POMK: variants seen among roughly 807,000 people sequenced by gnomAD.
POMK encodes protein O-mannose kinase, also known as Sugen kinase 196.
Under a neutral mutation model 23.0 loss-of-function variants are expected in POMK, and 19 were observed. The ratio of observed to expected loss-of-function variants is 0.83; its 90% CI spans 0.58 to 1.21. The LOEUF (loss-of-function observed/expected upper bound fraction) is 1.21. POMK is among the 50% of genes most tolerant of loss of function. The pLI is 0.00. For synonymous variants in POMK, 173 were observed against 171.6 expected (o/e 1.01, Z -0.06); for missense variants, 410 against 431.3 (o/e 0.95, Z 0.44).
At chr8:43,109,525 T>G (rs1811606528) in intron 4 of POMK, among the ~76,000 whole-genome samples, 1 of 151,896 alleles carries the variant, frequency 6.6e-6, no homozygotes, top group South Asian at 2.1e-4. Flanking sequence ...AGTTTGACCA[T>G]AAGGTAAGAT....
At chr8:43,108,647 T>C (rs1586673992) in intron 4 of POMK, among the ~76,000 whole-genome samples, 2 of 151,586 alleles carry the variant, frequency 1.3e-5, no homozygotes, top group East Asian at 1.9e-4. Flanking sequence ...TTGATATTTA[T>C]GAACATTTCA....
At chr8:43,107,193 A>G (rs946547414) in intron 4 of POMK, among the ~76,000 whole-genome samples, 10 of 152,124 alleles carry the variant, frequency 6.6e-5, no homozygotes, top group African/African-American at 2.4e-4. Context: ...CAAAAATATT[A>G]GGATTTAGTC....
chr8:43,118,130 CTTTAAT>C (rs1811834492), intron 4 of POMK, among the ~76,000 whole-genome samples: 1 of 151,922 alleles, frequency 6.6e-6, no homozygotes, highest in Admixed American at 6.6e-5. Flanking sequence ...TTATATTATA[CTTTAAT>C]TTTAAAGAAA....
At chr8:43,114,770 G>T (rs1265058431) in intron 4 of POMK, among the ~76,000 whole-genome samples, 3 of 152,096 alleles carry the variant, frequency 2.0e-5, no homozygotes. Flanking sequence ...GATGCTTTGA[G>T]ATTTTTAAAC....
At chr8:43,114,488 C>T (rs972600822) in intron 4 of POMK, among the ~76,000 whole-genome samples, 3 of 152,156 alleles carry the variant, frequency 2.0e-5, no homozygotes, top group Non-Finnish European at 4.4e-5. Flanking sequence ...GGTGGGAGTG[C>T]CCTGATTTTC....
intron 4 of POMK, among the ~76,000 whole-genome samples, chr8:43,105,963 G>C (rs1457481970): frequency 1.3e-5 from 2 of 152,180 alleles, no homozygotes; most frequent in African/African-American, 4.8e-5. Context: ...GCCTGGCTGT[G>C]CATATCTCTT....
intron 4 of POMK, among the ~76,000 whole-genome samples, chr8:43,111,649 A>G (rs1268278891): frequency 1.3e-5 from 2 of 151,824 alleles, no homozygotes; most frequent in African/African-American, 4.8e-5. Flanking sequence ...ACCCCCGAGT[A>G]GCCTAACTGG....
intron 2 of POMK, among the ~76,000 whole-genome samples, chr8:43,101,041 T>C (rs1811430144): frequency 6.6e-6 from 1 of 151,954 alleles, no homozygotes; most frequent in Admixed American, 6.6e-5. Flanking sequence ...TATGAGCTTG[T>C]GTGCTTGCAT....
chr8:43,111,893 C>T (rs982417521), intron 4 of POMK, among the ~76,000 whole-genome samples: 8 of 151,698 alleles, frequency 5.3e-5, no homozygotes, highest in African/African-American at 1.7e-4. Flanking sequence ...ACAAACAGGA[C>T]GTCCACACCA....
chr8:43,119,257 A>C (rs1811861754), intron 4 of POMK, among the ~76,000 whole-genome samples: 1 of 152,162 alleles, frequency 6.6e-6, no homozygotes, highest in Admixed American at 6.5e-5. Context: ...GATCTGAACA[A>C]AACCTCAGTT....
At chr8:43,121,780 G>T (rs1811921086) in intron 4 of POMK, among the ~76,000 whole-genome samples, 1 of 152,178 alleles carries the variant, frequency 6.6e-6, no homozygotes, top group African/African-American at 2.4e-5. Flanking sequence ...GCCCTACATT[G>T]AATCTGCAGG....
At chr8:43,115,464 C>T (rs1168871440) in intron 4 of POMK, among the ~76,000 whole-genome samples, 1 of 152,218 alleles carries the variant, frequency 6.6e-6, no homozygotes, top group Non-Finnish European at 1.5e-5. Context: ...TCCTGCTGTT[C>T]TGGCCACCTA....
At chr8:43,121,314 A>C (rs531813836) in intron 4 of POMK, among the ~76,000 whole-genome samples, 2 of 152,312 alleles carry the variant, frequency 1.3e-5, no homozygotes, top group African/African-American at 4.8e-5. Context: ...TAAGCAAAAG[A>C]TCAGAGGTTC....
chr8:43,112,562 A>G (rs1811697502), intron 4 of POMK, among the ~76,000 whole-genome samples: 1 of 152,132 alleles, frequency 6.6e-6, no homozygotes, highest in Non-Finnish European at 1.5e-5. Context: ...AAATACAGAG[A>G]ACGCCACAAA....
Position 43,122,623 on chromosome 8 carries a change from C to A in POMK, c.799C>A (p.Pro267Thr). 1 of 1,614,170 alleles carries A rather than the reference C, an allele frequency of 6.2e-7. No individual in the cohort carries two copies. Among genetic ancestry groups the A allele is most frequent in the Non-Finnish European group, 8.5e-7 (1 of 1,180,034 alleles). The stretch of plus-strand genomic sequence containing the variant: ...ACTGTGGCCCTATGGAGAGGACGTG[C>A]CTTTCCACGATGATCTCATGCCCTC... ...EQLWPYGEDV[P>T]FHDDLMPSYD... Residue 267 changes from proline (P) to threonine (T), a missense_variant, in exon 5 of 5, where the codon CCT becomes ACT. Physicochemically the swap from Pro to Thr is conservative, Grantham distance 38. Coordinates refer to ENST00000331373, the MANE Select transcript of POMK (RefSeq NM_032237.5).
intron 1 of POMK, among the ~76,000 whole-genome samples, chr8:43,096,101 C>G (rs1296228892): frequency 1.3e-5 from 2 of 152,162 alleles, no homozygotes; most frequent in Non-Finnish European, 2.9e-5. Context: ...CCGCTGTGTG[C>G]CAGGCACTGG....
At chr8:43,120,374 G>A (rs1296661839) in intron 4 of POMK, among the ~76,000 whole-genome samples, 2 of 151,600 alleles carry the variant, frequency 1.3e-5, no homozygotes, top group Non-Finnish European at 2.9e-5. Context: ...CACCATGCCC[G>A]GCTAATTTTG....
In POMK at chr8:43,112,328, C is replaced by T. The variant is rs1029677765; in HGVS notation, c.282+8498C>T. Among the ~76,000 whole-genome samples, 12 of 151,792 alleles carry T rather than the reference C, an allele frequency of 7.9e-5. 1 individual carries two copies. In the South Asian group the frequency reaches 8.4e-4, roughly 11 times the overall value. On this transcript the variant is annotated intron_variant, in intron 4 of 4. Coordinates refer to ENST00000331373, the MANE Select transcript of POMK (RefSeq NM_032237.5). ...AAGATAGGGTATCAGTGATGGAAGA[C>T]GAAATGAATGAAATGAAGCGTGAAG...
chr8:43,110,774 C>T (rs576281448), intron 4 of POMK, among the ~76,000 whole-genome samples: 32 of 152,188 alleles, frequency 2.1e-4, no homozygotes, highest in African/African-American at 7.2e-4. Context: ...ATTAGCCGGG[C>T]GTTGTGCTGG....
Sources: allele counts gnomAD v4.1 joint callset (sites outside exome capture counted in the v4.1 genomes callset), GRCh38; gene constraint gnomAD v4.1.1; transcripts MANE v1.5; gene names NCBI Gene and HGNC (gene_info 2026-07-23, HGNC 2026-07-21).